The following BUD23 variants were observed in gnomAD, a reference collection of about 807,000 sequenced individuals.
BUD23 encodes 18S rRNA (guanine-N(7))-methyltransferase.
Under a neutral mutation model 47.0 loss-of-function variants are expected in BUD23, and 34 were observed. The ratio of observed to expected loss-of-function variants is 0.72; its 90% CI spans 0.55 to 0.96. The LOEUF is 0.96. BUD23 is among the 40% of genes least tolerant of loss of function. The pLI is 0.00. For synonymous variants in BUD23, 124 were observed against 132.0 expected (o/e 0.94, Z 0.41); for missense variants, 343 against 361.2 (o/e 0.95, Z 0.41).
intron 7 of BUD23, 96 bp downstream of exon 7, chr7:73,692,742 G>A (rs1317521988): frequency 3.2e-6 from 4 of 1,246,148 alleles, no homozygotes; most frequent in African/African-American, 2.9e-5. Flanking sequence ...CAGATTGGCG[G>A]GAAAAGGAGG....
intron 5 of BUD23, among the ~76,000 whole-genome samples, chr7:73,689,713 G>A (rs916643913): frequency 1.2e-4 from 18 of 152,198 alleles, no homozygotes; most frequent in African/African-American, 3.9e-4. Flanking sequence ...GTTGAGTGTG[G>A]TTGCTTCCTA....
intron 1 of BUD23, 46 bp downstream of exon 1, chr7:73,683,719 C>T (rs550017079): frequency 1.2e-6 from 2 of 1,614,146 alleles, no homozygotes; most frequent in South Asian, 2.2e-5. Context: ...CTTCTGCGGC[C>T]ACCGCGTCTG....
intron 2 of BUD23, among the ~76,000 whole-genome samples, chr7:73,686,394 A>G (rs2141167): frequency 0.3 from 45,297 of 152,180 alleles, 7,894 homozygotes; most frequent in Non-Finnish European, 0.38. Flanking sequence ...AGCTGGTGCA[A>G]TGATAAGTTG....
At chr7:73,692,291 C>T (rs987687104) in intron 6 of BUD23, among the ~76,000 whole-genome samples, 1 of 152,188 alleles carries the variant, frequency 6.6e-6, no homozygotes, top group Non-Finnish European at 1.5e-5. Flanking sequence ...CTCAAGTATC[C>T]ATTTGAAACA....
At chr7:73,683,694 A>C (rs782219903) in intron 1 of BUD23, 21 bp downstream of exon 1, 1 of 1,613,814 alleles carries the variant, frequency 6.2e-7, no homozygotes, top group East Asian at 2.2e-5. Context: ...GGGCCCGCGG[A>C]CACCCCTCTC....
At chr7:73,697,459 G>C (rs1554615024) in intron 10 of BUD23, 146 bp from the exon 11 acceptor site, 1 of 1,543,030 alleles carries the variant, frequency 6.5e-7, no homozygotes, top group Admixed American at 2.0e-5. Flanking sequence ...GGGGAATTGT[G>C]TTATAGGGAA....
intron 10 of BUD23, chr7:73,695,358 A>T (rs1798362620): frequency 6.6e-6 from 1 of 151,022 alleles, no homozygotes; most frequent in Non-Finnish European, 1.5e-5. Context: ...CCCAGGTTCC[A>T]GCGATTCTCT....
At chr7:73,689,759 T>C (rs903796512) in intron 5 of BUD23, among the ~76,000 whole-genome samples, 1 of 152,102 alleles carries the variant, frequency 6.6e-6, no homozygotes, top group East Asian at 1.9e-4. Flanking sequence ...AGTTTGGGCT[T>C]GATGGAGTAG....
At chr7:73,691,566 T>G (rs11981989) in intron 6 of BUD23, among the ~76,000 whole-genome samples, 2,626 of 152,304 alleles carry the variant, frequency 0.017, 81 homozygotes, top group African/African-American at 0.059. Flanking sequence ...GATTAGCTGA[T>G]AGTCTGAGAT....
In BUD23 at chr7:73,692,148, A is replaced by C. The variant is rs553657665; in HGVS notation, c.460-448A>C. On this transcript the variant is annotated intron_variant, in intron 6 of 11. Transcript: ENST00000265758. ...TATCTGGCCGCTGGTCTTGTGTGTC[A>C]CATGAGTTCTCCTCCTGGCACACTG... Among the ~76,000 whole-genome samples the C allele has an allele frequency of 6.6e-5, 10 of 152,234 alleles. No individual in the cohort carries two copies. In the South Asian group the frequency reaches 2.1e-3, roughly 32 times the overall value.
At chr7:73,686,580 G>T in intron 2 of BUD23, 56 bp from the exon 3 acceptor site, 1 of 1,458,308 alleles carries the variant, frequency 6.9e-7, no homozygotes, top group South Asian at 1.2e-5. Flanking sequence ...TTGGTCTGGG[G>T]GAAGTATTCA....
chr7:73,692,630 C>T lies in BUD23; in HGVS notation c.494C>T (p.Pro165Leu). Residue 165 changes from proline to leucine, a missense_variant, in exon 7 of 12, where the codon CCT becomes CTT. Transcript: ENST00000265758. Reference protein sequence around the residue: ...RGSRAVLQLYPENSEQLELIT... With the variant: ...RGSRAVLQLYLENSEQLELIT... ...TCCCGAGCTGTCCTGCAGCTGTACC[C>T]TGAGAACTCAGAGCAGGTGAGTCCC... is the stretch of plus-strand genomic sequence containing the variant. 1.2e-6 allele frequency: 2 copies of T among 1,613,884 alleles called. No individual in the cohort carries two copies. Among genetic ancestry groups the T allele is most frequent in the South Asian group, 2.2e-5 (2 of 91,056 alleles).
At chr7:73,692,872 T>A (rs1322763980) in intron 7 of BUD23, 1 of 563,492 alleles carries the variant, frequency 1.8e-6, no homozygotes, top group Admixed American at 3.3e-5. Flanking sequence ...GTATTACAGA[T>A]AAGGTGATGC....
At chr7:73,694,428 T>TC in intron 10 of BUD23, 1 of 194,634 alleles carries the variant, frequency 5.1e-6, no homozygotes, top group Non-Finnish European at 1.0e-5. Flanking sequence ...GGGTCACTGC[T>TC]GTCGGCACAC....
chr7:73,692,741 G>A, intron 7 of BUD23, 95 bp downstream of exon 7: 3 of 1,269,400 alleles, frequency 2.4e-6, no homozygotes, highest in Admixed American at 2.0e-5. Context: ...GCAGATTGGC[G>A]GGAAAAGGAG....
At chr7:73,686,164 T>C (rs570684176) in intron 2 of BUD23, among the ~76,000 whole-genome samples, 25 of 152,308 alleles carry the variant, frequency 1.6e-4, no homozygotes, top group East Asian at 5.8e-4. Context: ...CTTGACTGGC[T>C]ATTGGGAAGC....
intron 5 of BUD23, among the ~76,000 whole-genome samples, chr7:73,688,330 G>T (rs1798059641): frequency 6.6e-6 from 1 of 152,106 alleles, no homozygotes. Context: ...TCCAGCCTGG[G>T]TGACAGAGCA....
intron 9 of BUD23, 112 bp from the exon 10 acceptor site, chr7:73,693,880 A>G: frequency 7.0e-7 from 1 of 1,424,960 alleles, no homozygotes; most frequent in African/African-American, 1.4e-5. Flanking sequence ...TTCTCGTGGG[A>G]CTGGACCTCG....
At chr7:73,684,142 G>A (rs1332893937) in intron 2 of BUD23, 12 of 575,398 alleles carry the variant, frequency 2.1e-5, no homozygotes, top group African/African-American at 5.7e-5. Context: ...AGTAATGGCC[G>A]TAGGATGCTT....
Sources: gnomAD v4.1 joint callset for allele counts (sites outside exome capture counted in the v4.1 genomes callset) on GRCh38, gnomAD v4.1.1 for gene constraint, MANE v1.5 for transcripts, NCBI Gene and HGNC (gene_info 2026-07-23, HGNC 2026-07-21) for gene names.